Variants in TTLL8 observed in about 807,000 individuals in gnomAD.
The protein encoded by TTLL8 is protein monoglycylase TTLL8.
Under a neutral mutation model 77.8 loss-of-function variants are expected in TTLL8, and 65 were observed. The ratio of observed to expected loss-of-function variants is 0.84; its 90% CI spans 0.68 to 1.03. The LOEUF (loss-of-function observed/expected upper bound fraction) is 1.03, where lower values mean the gene tolerates loss of function less well. TTLL8 is among the 50% of genes least tolerant of loss of function. TTLL8 has a pLI of 0.00. For synonymous variants in TTLL8, 402 were observed against 422.8 expected (o/e 0.95, Z 0.60); for missense variants, 910 against 1,004.5 (o/e 0.91, Z 1.27).
chr22:50,057,006 T>C, upstream of TTLL8: 1 of 1,274,528 alleles, frequency 7.8e-7, no homozygotes, highest in East Asian at 5.6e-5. Context: ...TACAGGAAAC[T>C]GGGAGGGTGT....
chr22:50,027,657 C>T lies in TTLL8; in HGVS notation c.2203+2773G>A, dbSNP rs976222666. 4.1e-6 allele frequency: 4 copies of T among 985,364 alleles called. No homozygotes were observed. In the South Asian group the frequency reaches 1.4e-4, roughly 35 times the overall value. The allele number at this position is 985,364 out of a possible 1,614,324, so 61.0% of individuals were successfully genotyped here. Reference sequence around the variant, plus strand: ...AAGCTCCAAGGGCCAGCACGCACTTCCTGTCCTGCTGGCCGGACTGGGCCT... The same window carrying T: ...AAGCTCCAAGGGCCAGCACGCACTTTCTGTCCTGCTGGCCGGACTGGGCCT... On this transcript the variant is annotated intron_variant, in intron 12 of 13. Coordinates refer to ENST00000266182, the Ensembl canonical transcript of TTLL8.
intron 12 of TTLL8, among the ~76,000 whole-genome samples, chr22:50,028,640 A>G (rs1274107635): frequency 6.8e-5 from 5 of 73,718 alleles, no homozygotes; most frequent in African/African-American, 2.3e-4. Flanking sequence ...ATACCCTCGT[A>G]AAGACCCCAT....
At chr22:50,033,989 C>T (rs1262984461) in intron 9 of TTLL8, among the ~76,000 whole-genome samples, 1 of 152,106 alleles carries the variant, frequency 6.6e-6, no homozygotes, top group Non-Finnish European at 1.5e-5. Flanking sequence ...GGCAAGATTG[C>T]GCCACTGCAC....
intron 12 of TTLL8, among the ~76,000 whole-genome samples, chr22:50,021,239 CGACATGTACTCCTCCATCTGACAAT>C (rs2061196835): frequency 2.6e-5 from 3 of 116,324 alleles, no homozygotes; most frequent in Non-Finnish European, 5.1e-5. Flanking sequence ...CTCCATCTGA[CGACATGTACTCCTCCATCTGACAAT>C]GTGCACTCCT....
At chr22:50,053,329 GCA>G (rs1442351456) in intron 1 of TTLL8, among the ~76,000 whole-genome samples, 2 of 151,852 alleles carry the variant, frequency 1.3e-5, no homozygotes, top group African/African-American at 2.4e-5. Context: ...ATTGCACATA[GCA>G]CATTCTCGAC....
intron 8 of TTLL8, among the ~76,000 whole-genome samples, chr22:50,040,438 G>C (rs181099792): frequency 2.0e-4 from 31 of 152,390 alleles, no homozygotes; most frequent in South Asian, 2.1e-4. Context: ...AGCACAGACT[G>C]TTCCCCAAAT....
rs987368305 is a variant in TTLL8 at position 50,041,528 on chromosome 22, G to T, written c.830+93C>A. 1.6e-6 allele frequency: 2 copies of T among 1,229,466 alleles called. No homozygotes were observed. The highest frequency in any genetic ancestry group is 5.5e-5 in the East Asian group (1 of 18,158). 76.2% of individuals were successfully genotyped at this position (1,229,466 alleles called of 1,614,324 possible). On this transcript the variant is annotated intron_variant, in intron 7 of 13. Transcript: ENST00000266182. The surrounding 1 kb of genome is among the most constrained non-coding windows in gnomAD (Gnocchi z 4.3). The stretch of plus-strand genomic sequence containing the variant: ...CACAGGTAGCCTAATGCCCAGACAG[G>T]TGACCCAGTTCCCAGAGGCTGCACT...
Position 50,034,437 on chromosome 22 carries a change from G to C in TTLL8, c.947C>G (p.Thr316Arg). The C allele has an allele frequency of 7.3e-7, 1 of 1,367,288 alleles. No homozygotes were observed. Among genetic ancestry groups the C allele is most frequent in the Non-Finnish European group, 9.8e-7 (1 of 1,021,822 alleles). 84.7% of individuals were successfully genotyped at this position (1,367,288 alleles called of 1,614,324 possible). A position where few individuals can be genotyped will look rare whatever the true frequency, so the allele number is the denominator to read the frequency against. The change falls in exon 9 of 14, where the codon ACG (threonine) becomes AGG (arginine). Residue 316 changes from threonine to arginine, a missense_variant. This residue lies in a region of TTLL8 where 776 missense variants were observed against 926.1 expected (regional missense o/e 0.84). Coordinates refer to ENST00000266182, the Ensembl canonical transcript of TTLL8. The surrounding 1 kb of genome is among the most constrained non-coding windows in gnomAD (Gnocchi z 4.1). ...AATGTCCGTCTGAGGGTTCACAGAC[G>C]TGATTCTATTCAGCAGAGCCTGGCA... is the stretch of plus-strand genomic sequence containing the variant.
At chr22:50,055,182 T>A (rs1308085217), upstream of TTLL8, 2 of 1,273,984 alleles carry the variant, frequency 1.6e-6, no homozygotes, top group African/African-American at 1.5e-5. Context: ...CCAAAACAAA[T>A]GTCCTTTTAA....
At chr22:50,018,704 A>G (rs2061179164) in intron 12 of TTLL8, among the ~76,000 whole-genome samples, 1 of 152,240 alleles carries the variant, frequency 6.6e-6, no homozygotes, top group African/African-American at 2.4e-5. Context: ...CAGCAAAGAC[A>G]AGATGGTGGA....
At chr22:50,045,351 A>C in exon 6 of TTLL8, 1 of 1,366,092 alleles carries the variant, frequency 7.3e-7, no homozygotes, top group Non-Finnish European at 9.8e-7. Flanking sequence ...CTGACCACCC[A>C]CTTGAGGATG....
intron 11 of TTLL8, among the ~76,000 whole-genome samples, chr22:50,031,231 C>T (rs1164417394): frequency 6.6e-6 from 1 of 152,176 alleles, no homozygotes; most frequent in Non-Finnish European, 1.5e-5. Flanking sequence ...GGCCACGCTT[C>T]CCAATGACTC....
intron 8 of TTLL8, among the ~76,000 whole-genome samples, chr22:50,038,899 T>C (rs1478207267): frequency 6.6e-6 from 1 of 152,194 alleles, no homozygotes; most frequent in Non-Finnish European, 1.5e-5. Flanking sequence ...AATTTTTGCA[T>C]CTATTGAGAT....
intron 11 of TTLL8, among the ~76,000 whole-genome samples, chr22:50,031,325 AG>A (rs1469872750): frequency 6.6e-6 from 1 of 152,226 alleles, no homozygotes; most frequent in Non-Finnish European, 1.5e-5. Context: ...GGAGCAGCAT[AG>A]GTGGCCTGGA....
intron 12 of TTLL8, among the ~76,000 whole-genome samples, chr22:50,020,294 C>G (rs955419879): frequency 1.3e-5 from 2 of 149,598 alleles, no homozygotes; most frequent in Non-Finnish European, 1.5e-5. Flanking sequence ...CTGATGTGCA[C>G]TCCTCCATCT....
chr22:50,024,260 T>C lies in TTLL8; in HGVS notation c.2203+6170A>G, dbSNP rs114200638. Among the ~76,000 whole-genome samples, 890 of 152,166 alleles carry C rather than the reference T, an allele frequency of 5.8e-3. 15 individuals carry two copies. The highest frequency in any genetic ancestry group is 0.02 in the African/African-American group (821 of 41,546). On this transcript the variant is annotated intron_variant, in intron 12 of 13. Coordinates refer to ENST00000266182, the Ensembl canonical transcript of TTLL8. ...CAAGCAACTCTCCTGCTTCAGCCTCTTTACTAGCTGGGATTACAGGTGCCT... is the reference window on the plus strand; with the variant it reads ...CAAGCAACTCTCCTGCTTCAGCCTCCTTACTAGCTGGGATTACAGGTGCCT...
At chr22:50,046,290 C>T (rs1363895249) in intron 4 of TTLL8, among the ~76,000 whole-genome samples, 1 of 152,196 alleles carries the variant, frequency 6.6e-6, no homozygotes, top group Non-Finnish European at 1.5e-5. Flanking sequence ...TCCCTCCAGG[C>T]CCCCAAACGG....
At chr22:50,050,245 C>T (rs367778523) in exon 2 of TTLL8, 4 of 1,323,524 alleles carry the variant, frequency 3.0e-6, no homozygotes, top group Non-Finnish European at 4.0e-6. Context: ...AAATCTTCTT[C>T]TCCTAAAATG....
chr22:50,054,535 A>G, intron 1 of TTLL8: 1 of 196,454 alleles, frequency 5.1e-6, no homozygotes. Context: ...GTGGAGGCAC[A>G]GTGAGCGTCC....
Sources: allele counts gnomAD v4.1 joint callset (sites outside exome capture counted in the v4.1 genomes callset), GRCh38; gene constraint gnomAD v4.1.1; regional missense constraint gnomAD v4.1.1; non-coding constraint Gnocchi (gnomAD v3.1); transcripts MANE v1.5; gene names NCBI Gene and HGNC (gene_info 2026-07-23, HGNC 2026-07-21).